Variants in CACNA1C observed in about 807,000 individuals in gnomAD.
CACNA1C encodes the protein voltage-dependent L-type calcium channel subunit alpha-1C.
A neutral mutation model predicts 229.0 loss-of-function variants in CACNA1C; 30 were observed. The ratio of observed to expected loss-of-function variants is 0.13; its 90% CI spans 0.10 to 0.18. The LOEUF is 0.18. CACNA1C is among the 10% of genes least tolerant of loss of function. CACNA1C has a pLI of 1.00. For synonymous variants in CACNA1C, 1,114 were observed against 1,132.5 expected, an observed-to-expected ratio of 0.98 and a Z score of 0.33; for missense variants, 1,658 against 2,845.0, an observed-to-expected ratio of 0.58 and a Z score of 9.49.
intron 1 of CACNA1C, among the ~76,000 whole-genome samples, chr12:2,077,953 A>G (rs2063839965): frequency 6.6e-6 from 1 of 152,256 alleles, no homozygotes; most frequent in Admixed American, 6.5e-5. Flanking sequence ...AATGAAATCT[A>G]AGACATTGAT....
chr12:2,214,489 T>A (rs909507261), intron 3 of CACNA1C, among the ~76,000 whole-genome samples: 1 of 152,076 alleles, frequency 6.6e-6, no homozygotes, highest in Non-Finnish European at 1.5e-5. Context: ...ACTGATCTCG[T>A]GAACTAGGAC....
chr12:2,391,589 G>T (rs1267777715), intron 3 of CACNA1C, among the ~76,000 whole-genome samples: 1 of 126,106 alleles, frequency 7.9e-6, no homozygotes, highest in Non-Finnish European at 1.8e-5. Flanking sequence ...AGCCATGACA[G>T]TGGGCGGGAG....
At chr12:2,089,844 C>T (rs1293794632) in intron 1 of CACNA1C, among the ~76,000 whole-genome samples, 4 of 149,188 alleles carry the variant, frequency 2.7e-5, no homozygotes, top group Non-Finnish European at 5.9e-5. Context: ...ACCAGCCTGG[C>T]CAACATAGTG....
chr12:2,555,126 G>A (rs1276856062), intron 10 of CACNA1C, among the ~76,000 whole-genome samples: 2 of 152,352 alleles, frequency 1.3e-5, no homozygotes, highest in East Asian at 1.9e-4. Flanking sequence ...GTCCACGACT[G>A]TGCTTGAAGC....
Position 2,688,778 on chromosome 12 carries a change from C to G in CACNA1C, c.6116C>G (p.Ala2039Gly), listed in dbSNP as rs549476254. 130 of 1,518,952 alleles carry G rather than the reference C, an allele frequency of 8.6e-5. No homozygotes were observed. Among genetic ancestry groups the G allele is most frequent in the Non-Finnish European group, 1.1e-4 (126 of 1,134,618 alleles). 94.1% of individuals were successfully genotyped at this position (1,518,952 alleles called of 1,614,324 possible). Residue 2039 changes from alanine to glycine, a missense_variant and splice_region_variant, in exon 46 of 47, where the codon GCG becomes GGG. Around this residue, in one of 20 missense-constraint regions of CACNA1C, gnomAD observed 590 missense variants for 700.8 expected, o/e 0.84. Transcript: ENST00000399655. ...GGCAGTGCCAGCAGCCTGGTGGAAG[C>G]GGTAGGTGACTCGCAGATGGGCAGG... ...FHGSASSLVE[A>G]VLISEGLGQF...
chr12:2,476,380 A>C (rs561045469), intron 5 of CACNA1C, among the ~76,000 whole-genome samples: 2 of 152,382 alleles, frequency 1.3e-5, no homozygotes, highest in East Asian at 3.9e-4. Context: ...CCATTTACCA[A>C]GTGTGTAATC....
rs994648671 is a variant in CACNA1C, at chr12:2,585,002, G to A, written c.2340-374G>A. Among the ~76,000 whole-genome samples, 47 of 152,174 alleles carry A rather than the reference G, an allele frequency of 3.1e-4. No individual in the cohort carries two copies. The highest frequency in any genetic ancestry group is 8.9e-4 in the African/African-American group (37 of 41,426). On this transcript the variant is annotated intron_variant, in intron 16 of 46. Transcript: ENST00000399655. The surrounding 1 kb of genome is among the most constrained non-coding windows in gnomAD (Gnocchi z 4.1). Reference sequence around the variant, plus strand: ...TTCATCTCCAGTGTTAGGAAGGCAAGACGGGGCCCTATGTTGTATCCTATC... The same window carrying A: ...TTCATCTCCAGTGTTAGGAAGGCAAAACGGGGCCCTATGTTGTATCCTATC...
chr12:2,325,264 C>T (rs952539636), intron 3 of CACNA1C, among the ~76,000 whole-genome samples: 1 of 152,224 alleles, frequency 6.6e-6, no homozygotes, highest in Non-Finnish European at 1.5e-5. Flanking sequence ...AGACCCATTT[C>T]CTCTGAGCTG....
chr12:2,119,137 G>C (rs1326741375), intron 2 of CACNA1C, among the ~76,000 whole-genome samples: 1 of 152,186 alleles, frequency 6.6e-6, no homozygotes, highest in Non-Finnish European at 1.5e-5. Flanking sequence ...ACTTGCTGTG[G>C]GGCCTTGGGA....
At chr12:2,489,517 G>C (rs187509734) in intron 6 of CACNA1C, among the ~76,000 whole-genome samples, 31 of 152,266 alleles carry the variant, frequency 2.0e-4, no homozygotes, top group African/African-American at 6.7e-4. Flanking sequence ...TTTGTTTCCG[G>C]TTGTCCCATC....
In CACNA1C at chr12:2,584,680, C is replaced by T. The variant is rs531803187; in HGVS notation, c.2339+63C>T. On this transcript the variant is annotated intron_variant, in intron 16 of 46. Coordinates refer to ENST00000399655, the MANE Select transcript of CACNA1C (RefSeq NM_000719.7). ...GCTCCCATTGTGGAATGTCTTCCCACTGGTGGCAGAGAGAGGCTTGACTGC... is the reference window on the plus strand; with the variant it reads ...GCTCCCATTGTGGAATGTCTTCCCATTGGTGGCAGAGAGAGGCTTGACTGC... 15 of 1,111,528 alleles carry T rather than the reference C, an allele frequency of 1.3e-5. No individual in the cohort carries two copies. The African/African-American group carries it at 1.7e-4, about 13-fold the overall frequency. 68.9% of individuals were successfully genotyped at this position (1,111,528 alleles called of 1,614,324 possible). A position where few individuals can be genotyped will look rare whatever the true frequency, so the allele number is the denominator to read the frequency against.
At chr12:2,631,155 C>T (rs2090215862) in intron 29 of CACNA1C, among the ~76,000 whole-genome samples, 1 of 152,112 alleles carries the variant, frequency 6.6e-6, no homozygotes, top group African/African-American at 2.4e-5. Flanking sequence ...TTCCTTTCTC[C>T]ATCTTAGAGG....
chr12:2,073,104 G>A lies in CACNA1C; in HGVS notation c.49+19493G>A, dbSNP rs558566828. ...TAAACCACACTCGTTTGAGAAGTGA[G>A]TGAATCTTTCAGCTCTCAAAGTCTT... On this transcript the variant is annotated intron_variant, in intron 1 of 46. Coordinates refer to ENST00000399655, the MANE Select transcript of CACNA1C (RefSeq NM_000719.7). Among the ~76,000 whole-genome samples, 14 of 152,298 alleles carry A rather than the reference G, an allele frequency of 9.2e-5. 1 individual carries two copies. The South Asian group carries it at 2.9e-3, about 32-fold the overall frequency.
At chr12:2,139,568 G>T (rs1302107005) in intron 3 of CACNA1C, among the ~76,000 whole-genome samples, 3 of 151,218 alleles carry the variant, frequency 2.0e-5, no homozygotes, top group South Asian at 2.1e-4. Context: ...GTGTGCTTCA[G>T]TGTGGATGCT....
At chr12:2,123,375 C>CAA (rs397761587) in intron 3 of CACNA1C, among the ~76,000 whole-genome samples, 1,408 of 70,988 alleles carry the variant, frequency 0.02, 40 homozygotes, top group African/African-American at 0.044. Flanking sequence ...GACTCCATCT[C>CAA]AAAAAAAAAA....
At chr12:2,196,423 A>C (rs2097404446) in intron 3 of CACNA1C, among the ~76,000 whole-genome samples, 1 of 152,214 alleles carries the variant, frequency 6.6e-6, no homozygotes, top group Non-Finnish European at 1.5e-5. Context: ...AGATATTTTG[A>C]GTTTTTCACA....
chr12:2,343,901 G>A (rs2096932516), intron 3 of CACNA1C, among the ~76,000 whole-genome samples: 1 of 152,148 alleles, frequency 6.6e-6, no homozygotes, highest in Non-Finnish European at 1.5e-5. Context: ...GACTGTAAAA[G>A]TGTATTACTT....
At chr12:2,594,162 G>A (rs528489784) in intron 19 of CACNA1C, among the ~76,000 whole-genome samples, 1 of 152,314 alleles carries the variant, frequency 6.6e-6, no homozygotes, top group South Asian at 2.1e-4. Flanking sequence ...ACTACCATGT[G>A]TCAAGGTGTG....
intron 3 of CACNA1C, among the ~76,000 whole-genome samples, chr12:2,159,761 C>T (rs1004104491): frequency 2.6e-5 from 4 of 152,150 alleles, no homozygotes; most frequent in Non-Finnish European, 2.9e-5. Context: ...TGTGCCATTA[C>T]GCCTGGCTAA....
Sources: allele counts gnomAD v4.1 joint callset (sites outside exome capture counted in the v4.1 genomes callset), GRCh38; gene constraint gnomAD v4.1.1; regional missense constraint gnomAD v4.1.1; non-coding constraint Gnocchi (gnomAD v3.1); transcripts MANE v1.5; gene names NCBI Gene and HGNC (gene_info 2026-07-23, HGNC 2026-07-21).